ACACA: variants seen among roughly 807,000 people sequenced by gnomAD.
ACACA encodes acetyl-CoA carboxylase 1.
A neutral mutation model predicts 296.1 loss-of-function variants in ACACA; 103 were observed. That is an observed-to-expected ratio of 0.35 (90% CI 0.30 to 0.41). The LOEUF is 0.41. Among genes scored for constraint, ACACA ranks in the 10% least tolerant of loss-of-function variants. The pLI is 1.00. For missense variants in ACACA, 1,554 were observed against 2,989.7 expected, an observed-to-expected ratio of 0.52 and a Z score of 11.20; for synonymous variants, 953 against 1,038.6, an observed-to-expected ratio of 0.92 and a Z score of 1.58.
chr17:37,277,690 TTC>T (rs2082337812), intron 6 of ACACA, among the ~76,000 whole-genome samples: 1 of 152,226 alleles, frequency 6.6e-6, no homozygotes, highest in African/African-American at 2.4e-5. Flanking sequence ...CTTCCAAACC[TTC>T]TGTTTGTATT....
chr17:37,277,925 GAATT>G lies in ACACA; in HGVS notation c.687_690del (p.Leu229PhefsTer31). The G allele has an allele frequency of 1.2e-6, 2 of 1,613,802 alleles. No homozygotes were observed. The highest frequency in any genetic ancestry group is 1.7e-6 in the Non-Finnish European group (2 of 1,179,734). ...ACTGGGATCCTTTTAGCAATATCAA[GAATT>G]AATTCCACATTTGCATAGTTGTTGT... On this transcript the variant is annotated frameshift_variant, in exon 6 of 56. Coordinates refer to ENST00000616317, the MANE Select transcript of ACACA (RefSeq NM_198834.3). LOFTEE classifies it high-confidence loss of function.
Position 37,200,453 on chromosome 17 carries a change from G to A in ACACA, c.4087C>T (p.Arg1363Cys), listed in dbSNP as rs780539614. 3 of 1,613,306 alleles carry A rather than the reference G, an allele frequency of 1.9e-6. No homozygotes were observed. The highest frequency in any genetic ancestry group is 2.5e-6 in the Non-Finnish European group (3 of 1,179,318). The change falls in exon 34 of 56, where the codon CGC becomes TGC. Residue 1363 changes from arginine to cysteine, a missense_variant. This residue lies in a region of ACACA where 179 missense variants were observed against 283.2 expected (regional missense o/e 0.63). Coordinates refer to ENST00000616317, the MANE Select transcript of ACACA (RefSeq NM_198834.3). ...TTTTGTGCAACCAGGAAAGTAAGGCGCCGGATCCCATGGTCAACCAGGGTA... is the reference window on the plus strand; with the variant it reads ...TTTTGTGCAACCAGGAAAGTAAGGCACCGGATCCCATGGTCAACCAGGGTA... ...KATLVDHGIR[R>C]LTFLVAQKDF...
intron 3 of ACACA, among the ~76,000 whole-genome samples, chr17:37,314,942 C>T (rs1461442536): frequency 6.8e-6 from 1 of 146,710 alleles, no homozygotes; most frequent in African/African-American, 2.5e-5. Context: ...CGCACCCGGC[C>T]AGGAATGCTT....
At chr17:37,371,519 T>C (rs1372070570) in intron 1 of ACACA, among the ~76,000 whole-genome samples, 2 of 152,120 alleles carry the variant, frequency 1.3e-5, no homozygotes, top group Admixed American at 6.6e-5. Flanking sequence ...TGGTAACATA[T>C]GTTCACCTTT....
intron 52 of ACACA, among the ~76,000 whole-genome samples, chr17:37,100,933 C>A (rs956374702): frequency 3.3e-5 from 5 of 152,090 alleles, no homozygotes; most frequent in Non-Finnish European, 7.4e-5. Context: ...CTTGTCTCTA[C>A]TAAAAATACA....
At chr17:37,283,559 C>T (rs535546244) in intron 4 of ACACA, among the ~76,000 whole-genome samples, 154 bp from the exon 5 acceptor site, 1 of 152,328 alleles carries the variant, frequency 6.6e-6, no homozygotes, top group South Asian at 2.1e-4. Flanking sequence ...CTGTTAGAAA[C>T]TGGCTTCCCC....
chr17:37,306,701 AT>A (rs978816353), intron 3 of ACACA, among the ~76,000 whole-genome samples: 42 of 146,616 alleles, frequency 2.9e-4, no homozygotes, highest in Admixed American at 3.4e-4. Flanking sequence ...ATTTATTATT[AT>A]TTTTTTTTTT....
At chr17:37,302,752 T>TAGA (rs963314472) in intron 3 of ACACA, among the ~76,000 whole-genome samples, 4 of 152,232 alleles carry the variant, frequency 2.6e-5, no homozygotes, top group African/African-American at 9.6e-5. Flanking sequence ...AGCTAGCATA[T>TAGA]AGAAATATAC....
intron 2 of ACACA, among the ~76,000 whole-genome samples, chr17:37,334,462 C>T (rs747651700): frequency 3.0e-4 from 46 of 152,212 alleles, no homozygotes; most frequent in Non-Finnish European, 6.2e-4. Context: ...AAGGAAACTA[C>T]CCAGCCATTT....
At chr17:37,332,599 C>T (rs1264140485) in intron 2 of ACACA, among the ~76,000 whole-genome samples, 1 of 137,110 alleles carries the variant, frequency 7.3e-6, no homozygotes, top group Non-Finnish European at 1.6e-5. Context: ...AACAAGATCC[C>T]ATCTGTACAA....
intron 45 of ACACA, among the ~76,000 whole-genome samples, chr17:37,141,843 C>T (rs1197659904): frequency 6.6e-6 from 1 of 151,846 alleles, no homozygotes; most frequent in African/African-American, 2.4e-5. Flanking sequence ...AGGTGTGTGC[C>T]ACCACGCCTG....
intron 3 of ACACA, among the ~76,000 whole-genome samples, chr17:37,306,918 G>T: frequency 6.6e-6 from 1 of 151,894 alleles, no homozygotes; most frequent in East Asian, 1.9e-4. Flanking sequence ...GGCTGGTCTT[G>T]AACTCCTGGC....
At chr17:37,296,671 C>G (rs1482220099) in intron 3 of ACACA, among the ~76,000 whole-genome samples, 1 of 151,876 alleles carries the variant, frequency 6.6e-6, no homozygotes, top group East Asian at 1.9e-4. Flanking sequence ...TACTCAACTC[C>G]CAAAGGCCCC....
chr17:37,268,729 C>CTATATATATATA (rs1212218965), intron 10 of ACACA, among the ~76,000 whole-genome samples: 7 of 111,036 alleles, frequency 6.3e-5, no homozygotes, highest in African/African-American at 2.9e-4. Flanking sequence ...ATCTATCTAT[C>CTATATATATATA]TATCTATCTA....
At chr17:37,325,228 T>C (rs1317744051) in intron 3 of ACACA, among the ~76,000 whole-genome samples, 1 of 149,542 alleles carries the variant, frequency 6.7e-6, no homozygotes, top group Non-Finnish European at 1.5e-5. Context: ...TAGTGCGGCA[T>C]GGTGGAGAGC....
Position 37,252,873 on chromosome 17 carries a change from G to A in ACACA, c.1977+13C>T. The A allele has an allele frequency of 1.2e-6, 2 of 1,614,012 alleles. No homozygotes were observed. The highest frequency in any genetic ancestry group is 1.1e-5 in the South Asian group (1 of 91,086). On this transcript the variant is annotated intron_variant, in intron 15 of 55. Transcript: ENST00000616317. Reference sequence around the variant, plus strand: ...AACCCAATCCCAGCATCTGTTTGTGGAGAAATACACACCTGTACTTTTTCT... The same window carrying A: ...AACCCAATCCCAGCATCTGTTTGTGAAGAAATACACACCTGTACTTTTTCT...
At chr17:37,104,022 C>A (rs191622282) in intron 52 of ACACA, among the ~76,000 whole-genome samples, 1 of 152,126 alleles carries the variant, frequency 6.6e-6, no homozygotes, top group Non-Finnish European at 1.5e-5. Context: ...CAGCCTAGGT[C>A]AGGAGTGTCC....
intron 54 of ACACA, among the ~76,000 whole-genome samples, chr17:37,092,027 C>T (rs981717666): frequency 6.6e-6 from 1 of 151,980 alleles, no homozygotes; most frequent in African/African-American, 2.4e-5. Context: ...GTGGCTCACG[C>T]CTGTTATCCC....
At chr17:37,148,570 A>G (rs2075910831) in intron 45 of ACACA, among the ~76,000 whole-genome samples, 1 of 152,242 alleles carries the variant, frequency 6.6e-6, no homozygotes, top group East Asian at 1.9e-4. Context: ...CTTAAACTTG[A>G]AAGTCAAGAC....
Sources: allele counts gnomAD v4.1 joint callset (sites outside exome capture counted in the v4.1 genomes callset), GRCh38; gene constraint gnomAD v4.1.1; regional missense constraint gnomAD v4.1.1; transcripts MANE v1.5; gene names NCBI Gene and HGNC (gene_info 2026-07-23, HGNC 2026-07-21).